The following PDE10A variants were observed in gnomAD, a reference collection of about 807,000 sequenced individuals.
PDE10A encodes the protein cAMP and cAMP-inhibited cGMP 3',5'-cyclic phosphodiesterase 10A.
A neutral mutation model predicts 97.7 loss-of-function variants in PDE10A; 39 were observed. The observed-to-expected ratio is 0.40, with a 90% confidence interval of 0.31 to 0.52. PDE10A has a LOEUF of 0.52. Among genes scored for constraint, PDE10A ranks in the 20% least tolerant of loss-of-function variants. The pLI, the probability that PDE10A is intolerant of heterozygous loss-of-function variation, is 0.56. For synonymous variants in PDE10A, 371 were observed against 376.8 expected, an observed-to-expected ratio of 0.98 and a Z score of 0.18; for missense variants, 731 against 1,047.8, an observed-to-expected ratio of 0.70 and a Z score of 4.17.
At chr6:165,877,250 C>T (rs560140863) in intron 1 of PDE10A, among the ~76,000 whole-genome samples, 3 of 152,280 alleles carry the variant, frequency 2.0e-5, no homozygotes, top group East Asian at 1.9e-4. Flanking sequence ...GTTTTGCTCT[C>T]GTGATAAATT....
chr6:165,734,252 G>C (rs1339199035), intron 1 of PDE10A, among the ~76,000 whole-genome samples: 4 of 152,120 alleles, frequency 2.6e-5, no homozygotes, highest in African/African-American at 9.7e-5. Context: ...CCCACACTGG[G>C]TGGGCTTCGG....
At chr6:165,710,542 A>G (rs1372959040) in intron 1 of PDE10A, among the ~76,000 whole-genome samples, 1 of 152,230 alleles carries the variant, frequency 6.6e-6, no homozygotes, top group Non-Finnish European at 1.5e-5. Context: ...AAACAGAGAA[A>G]AGCACTTTTC....
rs530080256 is a variant in PDE10A at position 165,669,560 on chromosome 6, G to C, written c.-614-125992C>G. On this transcript the variant is annotated intron_variant, in intron 1 of 19. Transcript: ENST00000366882. ...TTTCCAAGTACAGTCAATGAGTACAGCCTGGGAGCTAACCCTTGCAAGTCT... is the reference window on the plus strand; with the variant it reads ...TTTCCAAGTACAGTCAATGAGTACACCCTGGGAGCTAACCCTTGCAAGTCT... Among the ~76,000 whole-genome samples the C allele has an allele frequency of 2.0e-5, 3 of 152,288 alleles. No individual in the cohort carries two copies. In the South Asian group the frequency reaches 6.2e-4, roughly 32 times the overall value.
In PDE10A at chr6:165,572,994, T is replaced by C. The variant is rs374873843; in HGVS notation, c.866-29426A>G. On this transcript the variant is annotated intron_variant, in intron 1 of 21. Transcript: ENST00000539869. Reference sequence around the variant, plus strand: ...GTTTAGATGACAATGCAAAACTTGCTATATTTCACTAATCTGAGCTAATCT... The same window carrying C: ...GTTTAGATGACAATGCAAAACTTGCCATATTTCACTAATCTGAGCTAATCT... 2.0e-4 allele frequency among the ~76,000 whole-genome samples: 30 copies of C among 152,352 alleles called. 1 individual carries two copies. Among genetic ancestry groups the C allele is most frequent in the African/African-American group, 7.0e-4 (29 of 41,590 alleles).
At chr6:165,903,889 C>T (rs895912941) in intron 1 of PDE10A, among the ~76,000 whole-genome samples, 1 of 152,080 alleles carries the variant, frequency 6.6e-6, no homozygotes, top group African/African-American at 2.4e-5. Context: ...AAGAGGGCAT[C>T]AAGAAGAGGG....
In PDE10A at chr6:165,482,457, T is replaced by G. The variant is rs536533604; in HGVS notation, c.995-114A>C. The G allele has an allele frequency of 9.4e-5, 72 of 766,658 alleles. No individual in the cohort carries two copies. The East Asian group carries it at 1.8e-3, about 19-fold the overall frequency. The allele number at this position is 766,658 out of a possible 1,614,324, so 47.5% of individuals were successfully genotyped here. On this transcript the variant is annotated intron_variant, in intron 2 of 21. Transcript: ENST00000539869. Reference sequence around the variant, plus strand: ...TGAAGGGTTTTTTTGCAATGCTTCCTCTTACGAAATCTATGAATTTGATTT... The same window carrying G: ...TGAAGGGTTTTTTTGCAATGCTTCCGCTTACGAAATCTATGAATTTGATTT...
At chr6:165,887,521 G>A (rs563230141) in intron 1 of PDE10A, among the ~76,000 whole-genome samples, 2 of 147,048 alleles carry the variant, frequency 1.4e-5, no homozygotes, top group East Asian at 4.0e-4. Context: ...GGTGAGCCAG[G>A]TTCTTCACAG....
intron 1 of PDE10A, among the ~76,000 whole-genome samples, chr6:165,618,342 T>C (rs1337545653): frequency 6.6e-6 from 1 of 152,142 alleles, no homozygotes; most frequent in East Asian, 1.9e-4. Flanking sequence ...TAACAATTCC[T>C]AGGTCTAAAG....
Position 165,943,314 on chromosome 6 carries a change from G to GAAAGAAAA in PDE10A, c.-615+44214_-615+44215insTTTTCTTT, listed in dbSNP as rs1783637648. 6.4e-4 allele frequency among the ~76,000 whole-genome samples: 47 copies of GAAAGAAAA among 73,286 alleles called. 7 individuals carry two copies. Among genetic ancestry groups the GAAAGAAAA allele is most frequent in the African/African-American group, 3.3e-3 (46 of 13,922 alleles). 48.1% of individuals were successfully genotyped at this position (73,286 alleles called of 152,430 possible). The stretch of plus-strand genomic sequence containing the variant: ...AAGAAGGAAAGAAAGAAAGAAGGAA[G>GAAAGAAAA]GAAGGAAAGAAAGAAAAAGAAAGAA... On this transcript the variant is annotated intron_variant, in intron 1 of 19. Coordinates refer to the PDE10A transcript ENST00000366882.
At chr6:165,710,704 C>T (rs1448881978) in intron 1 of PDE10A, among the ~76,000 whole-genome samples, 1 of 152,116 alleles carries the variant, frequency 6.6e-6, no homozygotes, top group African/African-American at 2.4e-5. Flanking sequence ...ATTGAATGTG[C>T]CCTTGCTTGT....
chr6:165,578,538 TCCA>T (rs1197076666), intron 1 of PDE10A, among the ~76,000 whole-genome samples: 3 of 152,092 alleles, frequency 2.0e-5, no homozygotes, highest in African/African-American at 7.2e-5. Context: ...TGGAAGCACC[TCCA>T]CCATCTGGCC....
chr6:165,719,603 T>G lies in PDE10A; in HGVS notation c.-614-176035A>C, dbSNP rs149143732. Among the ~76,000 whole-genome samples the G allele has an allele frequency of 7.3e-5, 11 of 150,088 alleles. No homozygotes were observed. In the East Asian group the frequency reaches 2.2e-3, roughly 30 times the overall value. On this transcript the variant is annotated intron_variant, in intron 1 of 19. Transcript: ENST00000366882. Reference sequence around the variant, plus strand: ...TCCCAGAAGGAGGGTGACAGGAGGTTCCAGCACAATAAGTGTGTGACAGGT... The same window carrying G: ...TCCCAGAAGGAGGGTGACAGGAGGTGCCAGCACAATAAGTGTGTGACAGGT...
chr6:165,691,535 CATCATT>C (rs1791296697), intron 1 of PDE10A, among the ~76,000 whole-genome samples: 1 of 151,672 alleles, frequency 6.6e-6, no homozygotes, highest in African/African-American at 2.4e-5. Flanking sequence ...AATGCATCTT[CATCATT>C]AAGTGATGTG....
intron 3 of PDE10A, among the ~76,000 whole-genome samples, chr6:165,480,975 T>C (rs1025680693): frequency 1.3e-5 from 2 of 152,206 alleles, no homozygotes; most frequent in African/African-American, 4.8e-5. Flanking sequence ...AAATTTGGCA[T>C]AATGTAAGAG....
intron 1 of PDE10A, among the ~76,000 whole-genome samples, chr6:165,714,905 C>G (rs1001837035): frequency 1.3e-5 from 2 of 151,126 alleles, no homozygotes; most frequent in Admixed American, 1.3e-4. Flanking sequence ...GGGAGCACCC[C>G]CTTCCCCAGC....
rs71682329 is a variant in PDE10A, at chr6:165,943,294, GGAAA to G, written c.-615+44231_-615+44234del. On this transcript the variant is annotated intron_variant, in intron 1 of 19. Coordinates refer to the PDE10A transcript ENST00000366882. The stretch of plus-strand genomic sequence containing the variant: ...AGGAAGGAAAGAAAGAAAGAAAGAA[GGAAA>G]GAAAGAAAGAAGGAAGGAAGGAAAG... 1.3e-4 allele frequency among the ~76,000 whole-genome samples: 8 copies of G among 59,426 alleles called. 1 individual carries two copies. Among genetic ancestry groups the G allele is most frequent in the South Asian group, 6.3e-4 (1 of 1,596 alleles). 39.0% of individuals were successfully genotyped at this position (59,426 alleles called of 152,430 possible). A position where few individuals can be genotyped will look rare whatever the true frequency, so the allele number is the denominator to read the frequency against.
intron 5 of PDE10A, among the ~76,000 whole-genome samples, chr6:165,437,010 A>T (rs1341738309): frequency 6.6e-6 from 1 of 152,150 alleles, no homozygotes; most frequent in Non-Finnish European, 1.5e-5. Context: ...TCAAACTATA[A>T]GGAAGCAACT....
Position 165,330,444 on chromosome 6 carries a change from A to C in PDE10A, c.*2581T>G, listed in dbSNP as rs960113198. On this transcript the variant is annotated 3_prime_UTR_variant, in exon 22 of 22. Coordinates refer to ENST00000539869, the MANE Select transcript of PDE10A (RefSeq NM_001385079.1). ...CAAAACAAATCATTAACTAAATATCACTGCAACCCGGGTCCTTTTATTTTA... is the reference window on the plus strand; with the variant it reads ...CAAAACAAATCATTAACTAAATATCCCTGCAACCCGGGTCCTTTTATTTTA... 1.3e-5 allele frequency: 2 copies of C among 152,150 alleles called. No individual in the cohort carries two copies. Among genetic ancestry groups the C allele is most frequent in the Non-Finnish European group, 1.5e-5 (1 of 68,002 alleles). 9.4% of individuals were successfully genotyped at this position (152,150 alleles called of 1,614,324 possible). A position where few individuals can be genotyped will look rare whatever the true frequency, so the allele number is the denominator to read the frequency against.
intron 1 of PDE10A, among the ~76,000 whole-genome samples, chr6:165,855,666 A>G (rs1480153437): frequency 6.6e-6 from 1 of 152,056 alleles, no homozygotes; most frequent in African/African-American, 2.4e-5. Flanking sequence ...TCCCAGTTCC[A>G]AGGATAAAAG....
Sources: allele counts gnomAD v4.1 joint callset (sites outside exome capture counted in the v4.1 genomes callset), GRCh38; gene constraint gnomAD v4.1.1; transcripts MANE v1.5; gene names NCBI Gene and HGNC (gene_info 2026-07-23, HGNC 2026-07-21).